TMEM163: variants seen among roughly 807,000 people sequenced by gnomAD.
TMEM163 encodes the protein transmembrane protein 163.
TMEM163 carries 17 observed loss-of-function variants against 29.3 expected under a neutral mutation model. The observed-to-expected ratio is 0.58, with a 90% CI of 0.40 to 0.87. The LOEUF (loss-of-function observed/expected upper bound fraction) is 0.87. Ranked by LOEUF, TMEM163 falls within the 40% of genes least tolerant of loss-of-function variation. The probability of loss-of-function intolerance (pLI) is 0.00; values close to 1 mark genes in which losing one functional copy is unlikely to be tolerated. For missense variants in TMEM163, 303 were observed against 381.5 expected, an observed-to-expected ratio of 0.79 and a Z score of 1.71; for synonymous variants, 157 against 160.6, an observed-to-expected ratio of 0.98 and a Z score of 0.17.
At chr2:134,709,724 G>A (rs1015380319) in intron 2 of TMEM163, among the ~76,000 whole-genome samples, 32 of 152,190 alleles carry the variant, frequency 2.1e-4, no homozygotes, top group Admixed American at 1.7e-3. Context: ...GTTTCCAGCC[G>A]TGATGGGAAA....
intron 5 of TMEM163, among the ~76,000 whole-genome samples, chr2:134,483,625 TA>T (rs1679252522): frequency 1.3e-5 from 2 of 152,134 alleles, no homozygotes; most frequent in Admixed American, 1.3e-4. Flanking sequence ...ATTCTGACCC[TA>T]AAAAGTTAAA....
At chr2:134,554,512 G>GCA (rs1681005516) in intron 2 of TMEM163, among the ~76,000 whole-genome samples, 1 of 151,144 alleles carries the variant, frequency 6.6e-6, no homozygotes, top group African/African-American at 2.4e-5. Flanking sequence ...CTAGGGCTGA[G>GCA]CACCATGGAA....
intron 2 of TMEM163, among the ~76,000 whole-genome samples, chr2:134,605,363 A>T (rs1314187061): frequency 6.6e-6 from 1 of 152,168 alleles, no homozygotes; most frequent in Non-Finnish European, 1.5e-5. Flanking sequence ...ATTGCTAATA[A>T]TAGAGAAAAG....
chr2:134,490,721 T>A (rs1015480881), intron 5 of TMEM163, among the ~76,000 whole-genome samples: 1 of 152,178 alleles, frequency 6.6e-6, no homozygotes, highest in African/African-American at 2.4e-5. Flanking sequence ...AGTGACCACA[T>A]GGCTCCTATG....
At chr2:134,687,183 C>G (rs1364525868) in intron 2 of TMEM163, among the ~76,000 whole-genome samples, 1 of 152,104 alleles carries the variant, frequency 6.6e-6, no homozygotes, top group Non-Finnish European at 1.5e-5. Flanking sequence ...GAATCATCTC[C>G]CAGAAAGGAA....
At chr2:134,672,558 G>A (rs1395805082) in intron 2 of TMEM163, among the ~76,000 whole-genome samples, 1 of 150,616 alleles carries the variant, frequency 6.6e-6, no homozygotes, top group Non-Finnish European at 1.5e-5. Flanking sequence ...TTTTTTTTTT[G>A]TAGAGACAGT....
At chr2:134,529,577 C>CTA (rs1680374875) in intron 4 of TMEM163, among the ~76,000 whole-genome samples, 1 of 151,696 alleles carries the variant, frequency 6.6e-6, no homozygotes, top group South Asian at 2.1e-4. Context: ...GGAGAAACCC[C>CTA]TATCTCTACA....
At chr2:134,459,431 G>C (rs535467360) in intron 6 of TMEM163, among the ~76,000 whole-genome samples, 1 of 91,968 alleles carries the variant, frequency 1.1e-5, no homozygotes, top group Non-Finnish European at 2.0e-5. Flanking sequence ...AACTGTTCCT[G>C]TAACAGGAAC....
chr2:134,693,323 C>T (rs1684509360), intron 2 of TMEM163, among the ~76,000 whole-genome samples: 1 of 152,032 alleles, frequency 6.6e-6, no homozygotes, highest in Non-Finnish European at 1.5e-5. Context: ...AAACTGAAAC[C>T]TTTCCAGACG....
chr2:134,701,674 C>T (rs1284637958), intron 2 of TMEM163, among the ~76,000 whole-genome samples: 4 of 152,120 alleles, frequency 2.6e-5, no homozygotes, highest in Non-Finnish European at 5.9e-5. Flanking sequence ...CTTTGGGAGG[C>T]TGAGGTGGGC....
intron 4 of TMEM163, among the ~76,000 whole-genome samples, chr2:134,517,278 C>T (rs1262390920): frequency 6.6e-6 from 1 of 152,120 alleles, no homozygotes; most frequent in East Asian, 1.9e-4. Context: ...GTGGACTTCT[C>T]GCATGCTTTT....
At chr2:134,639,682 A>G (rs1305344064) in intron 2 of TMEM163, among the ~76,000 whole-genome samples, 1 of 152,232 alleles carries the variant, frequency 6.6e-6, no homozygotes, top group Non-Finnish European at 1.5e-5. Context: ...AGAAATAAAG[A>G]TCTAGAAAAT....
rs569913469 is a variant in TMEM163 at position 134,537,593 on chromosome 2, G to A, written c.458+12977C>T. On this transcript the variant is annotated intron_variant, in intron 4 of 7. Coordinates refer to ENST00000281924, the MANE Select transcript of TMEM163 (RefSeq NM_030923.5). ...GCTTCAATACATGAATTTCAGGGAA[G>A]ACATAAACACCCAGTTCATAATAGA... is the stretch of plus-strand genomic sequence containing the variant. Among the ~76,000 whole-genome samples, 83 of 152,324 alleles carry A rather than the reference G, an allele frequency of 5.4e-4. 3 individuals carry two copies. The South Asian group carries it at 0.016, about 28-fold the overall frequency.
intron 2 of TMEM163, among the ~76,000 whole-genome samples, chr2:134,678,889 G>C (rs531719357): frequency 2.0e-5 from 3 of 152,268 alleles, no homozygotes; most frequent in Middle Eastern, 6.8e-3. Context: ...ACTTTAATGA[G>C]GCTCCTGTAT....
At chr2:134,484,842 C>T (rs779061392) in intron 5 of TMEM163, among the ~76,000 whole-genome samples, 1 of 152,168 alleles carries the variant, frequency 6.6e-6, no homozygotes, top group African/African-American at 2.4e-5. Context: ...AACAAAAAAT[C>T]AAGCAGCAGC....
chr2:134,667,285 G>A (rs950612801), intron 2 of TMEM163, among the ~76,000 whole-genome samples: 5 of 152,170 alleles, frequency 3.3e-5, no homozygotes, highest in African/African-American at 1.2e-4. Flanking sequence ...AATCTTATTC[G>A]CAGCCTTCCT....
intron 6 of TMEM163, among the ~76,000 whole-genome samples, chr2:134,463,168 C>T (rs1241350500): frequency 2.0e-5 from 3 of 152,186 alleles, no homozygotes; most frequent in Non-Finnish European, 4.4e-5. Context: ...GAAGCCGAGG[C>T]CAGCCAGGCC....
intron 2 of TMEM163, among the ~76,000 whole-genome samples, chr2:134,661,484 G>A (rs769203333): frequency 1.3e-5 from 2 of 152,180 alleles, no homozygotes; most frequent in Non-Finnish European, 2.9e-5. Flanking sequence ...ATGGCTTCCC[G>A]CCACAGCCCA....
In TMEM163 at chr2:134,488,945, A is replaced by G. The variant is rs576838450; in HGVS notation, c.555+13956T>C. 2.0e-5 allele frequency among the ~76,000 whole-genome samples: 3 copies of G among 152,342 alleles called. No homozygotes were observed. In the South Asian group the frequency reaches 6.2e-4, roughly 32 times the overall value. On this transcript the variant is annotated intron_variant, in intron 5 of 7. Transcript: ENST00000281924. ...ACCATTTTCCACCCATTAGTCTGGA[A>G]AATTGTGATAAGTTTGAAAATATAA... is the stretch of plus-strand genomic sequence containing the variant.
Sources: allele counts gnomAD v4.1 joint callset (sites outside exome capture counted in the v4.1 genomes callset), GRCh38; gene constraint gnomAD v4.1.1; transcripts MANE v1.5; gene names NCBI Gene and HGNC (gene_info 2026-07-23, HGNC 2026-07-21).